DNAH7: variants seen among roughly 807,000 people sequenced by gnomAD.
DNAH7 encodes axonemal beta dynein heavy chain 7.
Under a neutral mutation model 444.6 loss-of-function variants are expected in DNAH7, and 397 were observed. That is an observed-to-expected ratio of 0.89 (90% CI 0.82 to 0.97). The LOEUF is 0.97. Ranked by LOEUF, DNAH7 falls within the 50% of genes least tolerant of loss-of-function variation. The probability of loss-of-function intolerance (pLI) is 0.00; values close to 1 mark genes in which losing one functional copy is unlikely to be tolerated. For synonymous variants in DNAH7, 1,636 were observed against 1,624.4 expected, an observed-to-expected ratio of 1.01 and a Z score of -0.17; for missense variants, 4,902 against 4,800.8, an observed-to-expected ratio of 1.02 and a Z score of -0.62.
In DNAH7 at chr2:195,879,754, A is replaced by T. The variant is rs532025758; in HGVS notation, c.5961+2041T>A. Among the ~76,000 whole-genome samples, 14 of 152,282 alleles carry T rather than the reference A, an allele frequency of 9.2e-5. No homozygotes were observed. The East Asian group carries it at 2.7e-3, about 29-fold the overall frequency. On this transcript the variant is annotated intron_variant, in intron 36 of 64. Coordinates refer to ENST00000312428, the MANE Select transcript of DNAH7 (RefSeq NM_018897.3). ...ATTATTCTATAAAAGCTGTGTATTT[A>T]TGTGAAAGGGAAAATACTCATTTGC...
In DNAH7 at chr2:195,972,277, T is replaced by C. The variant is rs10198893; in HGVS notation, c.2023A>G (p.Lys675Glu). The change falls in exon 16 of 65, where the codon AAA (lysine) becomes GAA (glutamate). Residue 675 changes from lysine (K) to glutamate (E), a missense_variant. Physicochemically the swap from Lys to Glu is moderately conservative, Grantham distance 56. Coordinates refer to ENST00000312428, the MANE Select transcript of DNAH7 (RefSeq NM_018897.3). ...EIFEEHRKII[K>E]EKIEQYQEGL... The stretch of plus-strand genomic sequence containing the variant: ...TCTTGATATTGTTCTATTTTCTCTT[T>C]AATGATTTTCCTGTGTTCTTCAAAA... The C allele has an allele frequency of 2.8e-3, 4,577 of 1,614,032 alleles. 120 individuals carry two copies. The African/African-American group carries it at 0.052, about 18-fold the overall frequency.
At chr2:196,034,397 G>A (rs1358473747) in intron 5 of DNAH7, among the ~76,000 whole-genome samples, 2 of 152,168 alleles carry the variant, frequency 1.3e-5, no homozygotes, top group Non-Finnish European at 2.9e-5. Context: ...AATAAGTGGA[G>A]AGAAATAACA....
At chr2:195,956,929 A>G (rs1404344920) in intron 19 of DNAH7, among the ~76,000 whole-genome samples, 2 of 152,166 alleles carry the variant, frequency 1.3e-5, no homozygotes, top group Non-Finnish European at 2.9e-5. Flanking sequence ...GTTGCATTCC[A>G]TAACAAGAGA....
chr2:196,030,236 T>C (rs1364973940), intron 5 of DNAH7, among the ~76,000 whole-genome samples: 1 of 151,814 alleles, frequency 6.6e-6, no homozygotes, highest in African/African-American at 2.4e-5. Context: ...GGGAAAGGGG[T>C]TTCACCTTAT....
At chr2:195,940,535 A>T (rs571191090) in intron 19 of DNAH7, among the ~76,000 whole-genome samples, 63 of 152,354 alleles carry the variant, frequency 4.1e-4, no homozygotes, top group African/African-American at 1.5e-3. Flanking sequence ...ATGGGATATA[A>T]TTAAACTAAA....
intron 47 of DNAH7, among the ~76,000 whole-genome samples, chr2:195,837,075 A>G (rs1240662390): frequency 6.6e-6 from 1 of 152,210 alleles, no homozygotes; most frequent in Non-Finnish European, 1.5e-5. Flanking sequence ...GTAATTCTAT[A>G]ATTCCTTAGC....
intron 10 of DNAH7, among the ~76,000 whole-genome samples, chr2:196,010,553 T>G (rs1387559729): frequency 1.3e-5 from 2 of 152,126 alleles, no homozygotes; most frequent in Admixed American, 1.3e-4. Flanking sequence ...ACCATATAAT[T>G]CAACAATTCC....
rs202213575 is a variant in DNAH7, at chr2:195,950,527, GTCTA to G, written c.3078+6730_3078+6733del. Among the ~76,000 whole-genome samples, 934 of 152,008 alleles carry G rather than the reference GTCTA, an allele frequency of 6.1e-3. 7 individuals are homozygous for G. The highest frequency in any genetic ancestry group is 0.021 in the African/African-American group (873 of 41,468). ...TTCTTCTTCATTAGTCTGGCTAGCA[GTCTA>G]TCTATTTTGTTAATCTTTCCAAAAA... On this transcript the variant is annotated intron_variant, in intron 19 of 64. Transcript: ENST00000312428.
At chr2:195,851,025 TG>T (rs1206971751) in intron 46 of DNAH7, among the ~76,000 whole-genome samples, 1 of 152,062 alleles carries the variant, frequency 6.6e-6, no homozygotes, top group Non-Finnish European at 1.5e-5. Context: ...CTCCAAACAC[TG>T]GGTAAAGTGG....
intron 36 of DNAH7, among the ~76,000 whole-genome samples, chr2:195,879,679 T>C (rs988015812): frequency 2.6e-5 from 4 of 152,166 alleles, no homozygotes; most frequent in Admixed American, 6.5e-5. Flanking sequence ...TTATAAAAAC[T>C]ACTTGTTTGT....
intron 49 of DNAH7, among the ~76,000 whole-genome samples, chr2:195,818,767 T>TA (rs1291447472): frequency 6.6e-6 from 1 of 152,140 alleles, no homozygotes; most frequent in Non-Finnish European, 1.5e-5. Context: ...AATGAACCCG[T>TA]AAGTCAATAA....
chr2:196,054,150 C>T (rs1326633083), intron 2 of DNAH7, among the ~76,000 whole-genome samples: 1 of 152,162 alleles, frequency 6.6e-6, no homozygotes. Flanking sequence ...AGACCAAAAT[C>T]GAAAAAGTTT....
chr2:195,859,531 A>G (rs1699900835), intron 42 of DNAH7, among the ~76,000 whole-genome samples: 1 of 152,194 alleles, frequency 6.6e-6, no homozygotes, highest in South Asian at 2.1e-4. Context: ...TTGATATACC[A>G]TAATGTCTCC....
In DNAH7 at chr2:195,777,853, A is replaced by C. The variant is rs937107782; in HGVS notation, c.11011T>G (p.Ser3671Ala). The stretch of plus-strand genomic sequence containing the variant: ...CCACTTGAGTCGAACTTATAGTCTG[A>C]ATTTTCAACTAATTCGGGATTGAAG... ...KFFNPELVEN[S>A]DYKFDSSGIY... Residue 3671 changes from serine (S) to alanine (A), a missense_variant, in exon 59 of 65, where the codon TCA becomes GCA. By Grantham distance (99) the Ser-to-Ala change is moderately conservative. Coordinates refer to ENST00000312428, the MANE Select transcript of DNAH7 (RefSeq NM_018897.3). 10 of 1,614,118 alleles carry C rather than the reference A, an allele frequency of 6.2e-6. No homozygotes were observed. Among genetic ancestry groups the C allele is most frequent in the Non-Finnish European group, 8.5e-6 (10 of 1,179,972 alleles).
Position 195,960,869 on chromosome 2 carries a change from T to C in DNAH7, c.2282A>G (p.Asp761Gly). ...AAGACGAAGATAAGGGTTCAAGCCA[T>C]CTTGGATTTTTTTACGTTGAGGATA... ...SVYPQRKKIQDGLNPYLRLYE... is the reference protein window; with the variant it reads ...SVYPQRKKIQGGLNPYLRLYE... The change falls in exon 18 of 65, where the codon GAT (aspartate) becomes GGT (glycine). Residue 761 changes from aspartate to glycine, a missense_variant. By Grantham distance (94) the Asp-to-Gly change is moderately conservative. Transcript: ENST00000312428. The C allele has an allele frequency of 6.2e-7, 1 of 1,614,000 alleles. No individual in the cohort carries two copies. Among genetic ancestry groups the C allele is most frequent in the Non-Finnish European group, 8.5e-7 (1 of 1,179,972 alleles).
intron 17 of DNAH7, among the ~76,000 whole-genome samples, chr2:195,969,390 T>C (rs778852836): frequency 2.6e-5 from 4 of 152,234 alleles, no homozygotes; most frequent in Non-Finnish European, 5.9e-5. Flanking sequence ...ATTCTCCTTT[T>C]CATATAAAAT....
At chr2:195,763,108 A>G in intron 61 of DNAH7, among the ~76,000 whole-genome samples, 1 of 152,210 alleles carries the variant, frequency 6.6e-6, no homozygotes, top group East Asian at 1.9e-4. Context: ...GCTCCTGAAG[A>G]CCAGTGAATC....
intron 40 of DNAH7, among the ~76,000 whole-genome samples, chr2:195,871,283 G>A (rs1238913319): frequency 2.0e-5 from 3 of 152,120 alleles, no homozygotes; most frequent in Admixed American, 6.5e-5. Flanking sequence ...GCACATTCTC[G>A]TGTTCTATGT....
intron 58 of DNAH7, among the ~76,000 whole-genome samples, chr2:195,778,635 A>AAAAAT (rs1695199824): frequency 2.1e-5 from 1 of 47,724 alleles, no homozygotes; most frequent in South Asian, 7.7e-4. Context: ...AAAAAAAATA[A>AAAAAT]ATAAATAAAT....
Sources: allele counts gnomAD v4.1 joint callset (sites outside exome capture counted in the v4.1 genomes callset), GRCh38; gene constraint gnomAD v4.1.1; transcripts MANE v1.5; gene names NCBI Gene and HGNC (gene_info 2026-07-23, HGNC 2026-07-21).